The following PRSS55 variants were observed in gnomAD, a reference collection of about 807,000 sequenced individuals.
The protein encoded by PRSS55 is probable serine protease UNQ9391/PRO34284.
In PRSS55, 41 loss-of-function variants were observed where a neutral mutation model predicts 23.6. The ratio of observed to expected loss-of-function variants is 1.74; its 90% CI spans 1.35 to 2.26. The LOEUF (loss-of-function observed/expected upper bound fraction) is 2.26, where lower values mean the gene tolerates loss of function less well. PRSS55 is among the 30% of genes most tolerant of loss of function. The probability of loss-of-function intolerance (pLI) is 0.00; values close to 1 mark genes in which losing one functional copy is unlikely to be tolerated. For synonymous variants in PRSS55, 262 were observed against 175.5 expected, an observed-to-expected ratio of 1.49 and a Z score of -3.90; for missense variants, 669 against 439.1, an observed-to-expected ratio of 1.52 and a Z score of -4.68.
At chr8:10,543,419 T>C (rs1270777478), downstream of PRSS55, among the ~76,000 whole-genome samples, 3 of 13,976 alleles carry the variant, frequency 2.1e-4, no homozygotes, top group Non-Finnish European at 5.4e-4. Flanking sequence ...CTTTCTTCTT[T>C]CTTTCTTCCT....
intron 1 of PRSS55, among the ~76,000 whole-genome samples, chr8:10,527,428 A>C (rs773959740): frequency 5.9e-5 from 9 of 152,264 alleles, no homozygotes; most frequent in Non-Finnish European, 1.3e-4. Context: ...CTGGTACCAG[A>C]GTCAGGCAAA....
chr8:10,539,584 G>A (rs1812584881), downstream of PRSS55, among the ~76,000 whole-genome samples: 1 of 152,180 alleles, frequency 6.6e-6, no homozygotes, highest in Admixed American at 6.5e-5. Context: ...CGTGTTGTGG[G>A]AGGGACCCAC....
At chr8:10,540,804 C>A (rs984800773), downstream of PRSS55, 1 of 152,270 alleles carries the variant, frequency 6.6e-6, no homozygotes, top group Admixed American at 6.5e-5. Context: ...GCTACAATGT[C>A]TAGAAGCCAT....
chr8:10,538,987 T>G (rs369310492), downstream of PRSS55, among the ~76,000 whole-genome samples: 14 of 151,950 alleles, frequency 9.2e-5, no homozygotes, highest in East Asian at 2.1e-3. Flanking sequence ...TTTTCCATTC[T>G]AGGTGACAGT....
chr8:10,532,254 C>T (rs1812295268), intron 3 of PRSS55, among the ~76,000 whole-genome samples: 1 of 152,082 alleles, frequency 6.6e-6, no homozygotes, highest in Non-Finnish European at 1.5e-5. Flanking sequence ...TTCTGGGCTC[C>T]AGGCACTCCT....
At chr8:10,527,404 C>G (rs1812068354) in intron 1 of PRSS55, among the ~76,000 whole-genome samples, 1 of 152,250 alleles carries the variant, frequency 6.6e-6, no homozygotes. Context: ...CCCTCTCCAT[C>G]TGGAGCTTAC....
exon 5 of PRSS55, chr8:10,553,955 C>A: frequency 6.6e-7 from 1 of 1,522,196 alleles, no homozygotes; most frequent in Non-Finnish European, 8.8e-7. Flanking sequence ...AAGCTATTTT[C>A]CCACTTTACA....
rs148104469 is a variant in PRSS55, at chr8:10,525,712, C to T, written c.127C>T (p.Pro43Ser). ...GRARGAHRPQPPHPPSPVSEC... is the reference protein window; with the variant it reads ...GRARGAHRPQSPHPPSPVSEC... ...GGCTAGGGGAGCCCACCGCCCTCAG[C>T]CCCCTCATCCCCCCAGCCCAGTCAG... Residue 43 changes from proline to serine, a missense_variant, in exon 1 of 5, where the codon CCC becomes TCC. Pro to Ser is a moderately conservative substitution (Grantham distance 74). Transcript: ENST00000328655. 6.2e-7 allele frequency: 1 copy of T among 1,611,152 alleles called. No individual in the cohort carries two copies. Among genetic ancestry groups the T allele is most frequent in the East Asian group, 2.2e-5 (1 of 44,768 alleles).
At chr8:10,530,382 G>A (rs1812208664) in intron 2 of PRSS55, among the ~76,000 whole-genome samples, 2 of 152,248 alleles carry the variant, frequency 1.3e-5, no homozygotes, top group Non-Finnish European at 2.9e-5. Context: ...GGCTGAGACA[G>A]GAGAGTTGCT....
chr8:10,540,683 C>T (rs1812630617), downstream of PRSS55: 1 of 152,136 alleles, frequency 6.6e-6, no homozygotes, highest in Non-Finnish European at 1.5e-5. Context: ...CCACTGCACT[C>T]CGGCCTGGGC....
At chr8:10,533,612 A>T (rs1812349133) in intron 4 of PRSS55, among the ~76,000 whole-genome samples, 1 of 152,194 alleles carries the variant, frequency 6.6e-6, no homozygotes, top group Non-Finnish European at 1.5e-5. Context: ...TGATAGCCAG[A>T]AAAATAGAAA....
At chr8:10,525,784 A>G (rs1811999815) in intron 1 of PRSS55, 45 bp downstream of exon 1, 1 of 1,534,872 alleles carries the variant, frequency 6.5e-7, no homozygotes, top group East Asian at 2.4e-5. Flanking sequence ...CTCATGGTCC[A>G]GCTGACTGGC....
chr8:10,531,084 G>A (rs975360350), intron 2 of PRSS55, among the ~76,000 whole-genome samples: 1 of 147,616 alleles, frequency 6.8e-6, no homozygotes, highest in African/African-American at 2.5e-5. Context: ...TGGTCTGGCT[G>A]TGGTCTGCAC....
intron 4 of PRSS55, among the ~76,000 whole-genome samples, chr8:10,546,207 G>A (rs1320675920): frequency 1.3e-5 from 2 of 152,154 alleles, no homozygotes; most frequent in African/African-American, 4.8e-5. Flanking sequence ...TCCCTTGCCT[G>A]TAAAATGAGA....
intron 1 of PRSS55, among the ~76,000 whole-genome samples, chr8:10,526,694 A>T (rs1264266922): frequency 6.6e-6 from 1 of 152,214 alleles, no homozygotes; most frequent in Non-Finnish European, 1.5e-5. Flanking sequence ...TGGGGGATGG[A>T]TCCCATTGAT....
In PRSS55 at chr8:10,529,656, T is replaced by C. The variant is rs200106190; in HGVS notation, c.304T>C (p.Trp102Arg). 3 of 1,613,984 alleles carry C rather than the reference T, an allele frequency of 1.9e-6. No individual in the cohort carries two copies. In the East Asian group the frequency reaches 6.7e-5, roughly 36 times the overall value. ...TGGCGGCTCCATCCTCAACAAGTGG[T>C]GGATTCTCACTGCGGCTCACTGCTT... ...FCGGSILNKW[W>R]ILTAAHCLYS... is the part of the protein sequence containing the mutation. Residue 102 changes from tryptophan to arginine, a missense_variant, in exon 2 of 5, where the codon TGG (tryptophan) becomes CGG (arginine). Physicochemically the swap from Trp to Arg is moderately radical, Grantham distance 101. Coordinates refer to ENST00000328655, the MANE Select transcript of PRSS55 (RefSeq NM_198464.4).
chr8:10,553,907 T>G, intron 4 of PRSS55: 1 of 1,386,640 alleles, frequency 7.2e-7, no homozygotes, highest in South Asian at 1.3e-5. Context: ...ATACATAAAA[T>G]TTTTTTAATT....
chr8:10,532,483 A>G (rs1812303588), intron 3 of PRSS55, among the ~76,000 whole-genome samples: 1 of 152,144 alleles, frequency 6.6e-6, no homozygotes, highest in Admixed American at 6.5e-5. Context: ...GAGGACCTAA[A>G]GTTTTTTCAC....
At chr8:10,531,064 G>A in intron 2 of PRSS55, among the ~76,000 whole-genome samples, 1 of 152,006 alleles carries the variant, frequency 6.6e-6, no homozygotes, top group South Asian at 2.1e-4. Flanking sequence ...TGGGGCCCCT[G>A]ATGGTGCAGT....
Sources: gnomAD v4.1 joint callset for allele counts (sites outside exome capture counted in the v4.1 genomes callset) on GRCh38, gnomAD v4.1.1 for gene constraint, MANE v1.5 for transcripts, NCBI Gene and HGNC (gene_info 2026-07-23, HGNC 2026-07-21) for gene names.